GABRB1: variants seen among roughly 807,000 people sequenced by gnomAD.
GABRB1 encodes the protein gamma-aminobutyric acid type A receptor subunit beta1, also known as gamma-aminobutyric acid receptor subunit beta-1.
In GABRB1, 17 loss-of-function variants were observed where a neutral mutation model predicts 51.6. That is an observed-to-expected ratio of 0.33 (90% CI 0.23 to 0.49). The LOEUF (loss-of-function observed/expected upper bound fraction) is 0.49, where lower values mean the gene tolerates loss of function less well. Among genes scored for constraint, GABRB1 ranks in the 20% least tolerant of loss-of-function variants. The pLI, the probability that GABRB1 is intolerant of heterozygous loss-of-function variation, is 0.99. For missense variants in GABRB1, 410 were observed against 600.6 expected, an observed-to-expected ratio of 0.68 and a Z score of 3.32; for synonymous variants, 247 against 218.9, an observed-to-expected ratio of 1.13 and a Z score of -1.14.
At chr4:47,377,152 T>G (rs577333303) in intron 5 of GABRB1, among the ~76,000 whole-genome samples, 55 of 152,176 alleles carry the variant, frequency 3.6e-4, no homozygotes, top group Non-Finnish European at 7.1e-4. Flanking sequence ...CGTTTTTTTG[T>G]TTTGTTTTGA....
intron 4 of GABRB1, among the ~76,000 whole-genome samples, chr4:47,305,566 G>C (rs997086124): frequency 6.6e-6 from 1 of 151,984 alleles, no homozygotes; most frequent in Non-Finnish European, 1.5e-5. Context: ...TTTCCTATGG[G>C]GTACTTACCA....
chr4:47,115,798 A>G (rs1201366056), intron 3 of GABRB1, among the ~76,000 whole-genome samples: 9 of 152,180 alleles, frequency 5.9e-5, no homozygotes, highest in African/African-American at 2.2e-4. Flanking sequence ...AATTTCTGTG[A>G]TTATTTAAAA....
intron 1 of GABRB1, among the ~76,000 whole-genome samples, chr4:47,012,218 C>T (rs1053039768): frequency 6.6e-6 from 1 of 151,940 alleles, no homozygotes; most frequent in African/African-American, 2.4e-5. Flanking sequence ...TTTTTAAATT[C>T]AGAAGTACAT....
At chr4:47,062,481 A>G (rs1726886436) in intron 3 of GABRB1, among the ~76,000 whole-genome samples, 1 of 151,516 alleles carries the variant, frequency 6.6e-6, no homozygotes, top group Non-Finnish European at 1.5e-5. Context: ...ACTTGTAACA[A>G]TTCAGTAAAA....
chr4:47,218,452 C>T (rs759801507), intron 4 of GABRB1, among the ~76,000 whole-genome samples: 19 of 151,732 alleles, frequency 1.3e-4, no homozygotes, highest in Non-Finnish European at 2.7e-4. Flanking sequence ...ACATTTTCAC[C>T]TGGTACATGA....
At chr4:47,000,093 T>A (rs1229284482) in intron 1 of GABRB1, among the ~76,000 whole-genome samples, 1 of 152,166 alleles carries the variant, frequency 6.6e-6, no homozygotes. Context: ...AAAAACTCAG[T>A]GACATACTAT....
chr4:47,150,618 T>A (rs541400418), intron 3 of GABRB1, among the ~76,000 whole-genome samples: 1 of 143,136 alleles, frequency 7.0e-6, no homozygotes, highest in Non-Finnish European at 1.5e-5. Flanking sequence ...TATACTATCT[T>A]TTCAATACAT....
chr4:47,109,210 C>T (rs1054216117), intron 3 of GABRB1, among the ~76,000 whole-genome samples: 1 of 151,684 alleles, frequency 6.6e-6, no homozygotes, highest in Non-Finnish European at 1.5e-5. Flanking sequence ...GGCTGGGGAA[C>T]CAGATAGAAG....
At chr4:47,297,776 G>T (rs2109932607) in intron 4 of GABRB1, among the ~76,000 whole-genome samples, 1 of 152,258 alleles carries the variant, frequency 6.6e-6, no homozygotes, top group Admixed American at 6.5e-5. Context: ...GCATCATCCT[G>T]ATATCAAAGC....
chr4:47,327,641 G>A (rs962619660), intron 5 of GABRB1, among the ~76,000 whole-genome samples: 3 of 152,078 alleles, frequency 2.0e-5, no homozygotes, highest in African/African-American at 7.2e-5. Context: ...TTTTAACCTA[G>A]TCCTTGTCGT....
At chr4:47,098,451 T>C (rs1180693148) in intron 3 of GABRB1, among the ~76,000 whole-genome samples, 1 of 152,126 alleles carries the variant, frequency 6.6e-6, no homozygotes, top group Non-Finnish European at 1.5e-5. Context: ...GGAACTGTTT[T>C]TTTTCCCCCC....
At chr4:47,283,447 A>T (rs1723375412) in intron 4 of GABRB1, among the ~76,000 whole-genome samples, 1 of 123,952 alleles carries the variant, frequency 8.1e-6, no homozygotes, top group Non-Finnish European at 1.6e-5. Flanking sequence ...ATGCAGCCAC[A>T]CGATCTCGGC....
chr4:47,169,533 C>G (rs1438787680), intron 4 of GABRB1, among the ~76,000 whole-genome samples: 2 of 150,434 alleles, frequency 1.3e-5, no homozygotes, highest in African/African-American at 4.9e-5. Flanking sequence ...CTGAGTTTTG[C>G]TCTTGTTGCC....
At chr4:47,139,578 A>G (rs1716825325) in intron 3 of GABRB1, among the ~76,000 whole-genome samples, 1 of 151,920 alleles carries the variant, frequency 6.6e-6, no homozygotes, top group Non-Finnish European at 1.5e-5. Context: ...TCTCTACCAA[A>G]TCATAGAATC....
At chr4:47,219,170 A>G (rs1246257841) in intron 4 of GABRB1, among the ~76,000 whole-genome samples, 3 of 151,900 alleles carry the variant, frequency 2.0e-5, no homozygotes, top group African/African-American at 7.2e-5. Context: ...TGTTAATAAA[A>G]TGTACATTAA....
intron 4 of GABRB1, among the ~76,000 whole-genome samples, chr4:47,191,532 T>C (rs1719439857): frequency 6.6e-6 from 1 of 152,258 alleles, no homozygotes; most frequent in Non-Finnish European, 1.5e-5. Context: ...TTATTAAAGG[T>C]ATACATGAAA....
chr4:47,412,221 C>A (rs1728781444), intron 8 of GABRB1, among the ~76,000 whole-genome samples: 1 of 152,136 alleles, frequency 6.6e-6, no homozygotes, highest in Non-Finnish European at 1.5e-5. Flanking sequence ...CCCCAGAGCC[C>A]TTGTCTTTTA....
chr4:47,345,576 A>C (rs573092952), intron 5 of GABRB1, among the ~76,000 whole-genome samples: 1 of 152,210 alleles, frequency 6.6e-6, no homozygotes, highest in Non-Finnish European at 1.5e-5. Context: ...GGATGAAAAT[A>C]AATCTAATGT....
chr4:47,410,104 A>G (rs1728709816), intron 8 of GABRB1, among the ~76,000 whole-genome samples: 1 of 152,236 alleles, frequency 6.6e-6, no homozygotes, highest in South Asian at 2.1e-4. Context: ...TTAAATTTTG[A>G]ATTAAAGGAG....
Sources: gnomAD v4.1 joint callset for allele counts (sites outside exome capture counted in the v4.1 genomes callset) on GRCh38, gnomAD v4.1.1 for gene constraint, MANE v1.5 for transcripts, NCBI Gene and HGNC (gene_info 2026-07-23, HGNC 2026-07-21) for gene names.